Variants in CEP63 observed in about 807,000 individuals in gnomAD.
CEP63 encodes centrosomal protein of 63 kDa.
Under a neutral mutation model 89.1 loss-of-function variants are expected in CEP63, and 84 were observed. The ratio of observed to expected loss-of-function variants is 0.94; its 90% CI spans 0.79 to 1.13. The LOEUF is 1.13. Ranked by LOEUF, CEP63 falls within the 50% of genes most tolerant of loss-of-function variation. The pLI is 0.00. For missense variants in CEP63, 838 were observed against 813.3 expected, an observed-to-expected ratio of 1.03 and a Z score of -0.37; for synonymous variants, 267 against 272.5, an observed-to-expected ratio of 0.98 and a Z score of 0.20.
chr3:134,685,807 A>G, the CEP63 span, among the ~76,000 whole-genome samples: 3 of 152,190 alleles, frequency 2.0e-5, no homozygotes, highest in Non-Finnish European at 4.4e-5. Context: ...CGTGTACACA[A>G]AGGATGAGAA....
At chr3:134,748,252 T>G in the CEP63 span, among the ~76,000 whole-genome samples, 1 of 152,186 alleles carries the variant, frequency 6.6e-6, no homozygotes, top group Non-Finnish European at 1.5e-5. Flanking sequence ...GTCCCTCTCC[T>G]ACTCCCTGGG....
chr3:134,710,275 G>C, the CEP63 span, among the ~76,000 whole-genome samples: 1 of 152,168 alleles, frequency 6.6e-6, no homozygotes, highest in South Asian at 2.1e-4. Context: ...AGGCCAACCA[G>C]GAAAAAGGCT....
the CEP63 span, among the ~76,000 whole-genome samples, chr3:134,757,392 A>G: frequency 6.6e-6 from 1 of 152,222 alleles, no homozygotes; most frequent in Admixed American, 6.5e-5. Flanking sequence ...AATGAGTTAC[A>G]TAAATAATTT....
At chr3:134,782,203 T>C in the CEP63 span, among the ~76,000 whole-genome samples, 2 of 152,222 alleles carry the variant, frequency 1.3e-5, no homozygotes, top group Non-Finnish European at 2.9e-5. Context: ...TAGACAACTT[T>C]TTCAATCCTG....
At position 134,563,126 on chromosome 3, in the gene CEP63, C is replaced by T. The variant is rs1957490743; in HGVS notation, c.*1591C>T. 2 of 152,320 alleles carry T rather than the reference C, an allele frequency of 1.3e-5. No individual in the cohort carries two copies. The highest frequency in any genetic ancestry group is 4.1e-4 in the South Asian group (2 of 4,820). The allele number at this position is 152,320 out of a possible 1,614,324, so 9.4% of individuals were successfully genotyped here. On this transcript the variant is annotated 3_prime_UTR_variant, in exon 15 of 15. Transcript: ENST00000675561. ...GCTAAGATTCCATATCAGGACATAG[C>T]ATTATGTTTGCCAGTTCCTAGGAGT...
the CEP63 span, chr3:134,610,487 C>G: frequency 3.2e-6 from 3 of 943,642 alleles, no homozygotes; most frequent in East Asian, 7.4e-5. Context: ...CATCAGTCCT[C>G]CCTGTCTATC....
intron 12 of CEP63, 136 bp downstream of exon 12, chr3:134,552,148 TA>T: frequency 1.8e-6 from 1 of 556,400 alleles, no homozygotes. Flanking sequence ...AAAATGAAGG[TA>T]AAACAATACT....
At chr3:134,670,937 C>G in the CEP63 span, among the ~76,000 whole-genome samples, 1 of 152,164 alleles carries the variant, frequency 6.6e-6, no homozygotes, top group Non-Finnish European at 1.5e-5. Context: ...AGTATGACAT[C>G]ATTTAGCTAT....
the CEP63 span, among the ~76,000 whole-genome samples, chr3:134,718,197 A>G: frequency 1.3e-5 from 2 of 152,114 alleles, no homozygotes; most frequent in African/African-American, 4.8e-5. Flanking sequence ...CAGTTTTGGG[A>G]GTTTTGATGG....
At chr3:134,534,666 C>T (rs1005810966) in intron 5 of CEP63, among the ~76,000 whole-genome samples, 3 of 152,188 alleles carry the variant, frequency 2.0e-5, no homozygotes, top group African/African-American at 4.8e-5. Context: ...TGCCCACTCT[C>T]TACCTGTCAT....
downstream of CEP63, among the ~76,000 whole-genome samples, chr3:134,569,133 G>A (rs4367113): frequency 0.66 from 101,091 of 152,084 alleles, 33,935 homozygotes; most frequent in East Asian, 0.81. Flanking sequence ...CCCACAACAC[G>A]TGGGAATTCA....
chr3:134,619,318 A>C, the CEP63 span: 30 of 1,346,214 alleles, frequency 2.2e-5, no homozygotes, highest in Non-Finnish European at 3.2e-5. Context: ...AGGCGAGAAG[A>C]CTCCACCCCA....
chr3:134,713,177 A>G, the CEP63 span, among the ~76,000 whole-genome samples: 2 of 152,334 alleles, frequency 1.3e-5, no homozygotes, highest in Admixed American at 6.5e-5. Flanking sequence ...CTCCAGGGAC[A>G]GGACTTGGAG....
rs199930556 is a variant in CEP63 at position 134,557,376 on chromosome 3, GTTTTTTTTTTTTT to G, written c.1468-750_1468-738del. 2.6e-3 allele frequency among the ~76,000 whole-genome samples: 266 copies of G among 101,516 alleles called. 6 individuals carry two copies. The highest frequency in any genetic ancestry group is 7.6e-3 in the African/African-American group (155 of 20,330). The allele number at this position is 101,516 out of a possible 152,430, so 66.6% of individuals were successfully genotyped here. A position where few individuals can be genotyped will look rare whatever the true frequency, so the allele number is the denominator to read the frequency against. ...CTTGACCAGCTTACTTTCATAATTT[GTTTTTTTTTTTTT>G]TTTTTTTTTTTTTTTACAGAAAAGA... On this transcript the variant is annotated intron_variant, in intron 12 of 14. Transcript: ENST00000675561.
chr3:134,495,763 C>T (rs1030888813), intron 2 of CEP63, among the ~76,000 whole-genome samples: 8 of 152,198 alleles, frequency 5.3e-5, no homozygotes, highest in African/African-American at 1.4e-4. Context: ...TGGTAACCAT[C>T]GTTCTACTCT....
chr3:134,515,267 A>G (rs889421232), intron 3 of CEP63, among the ~76,000 whole-genome samples: 2 of 152,234 alleles, frequency 1.3e-5, no homozygotes, highest in African/African-American at 4.8e-5. Context: ...AAAAAAGAAG[A>G]GAAAAAGGAA....
the CEP63 span, among the ~76,000 whole-genome samples, chr3:134,729,916 C>T: frequency 1.3e-5 from 2 of 152,124 alleles, no homozygotes; most frequent in East Asian, 1.9e-4. Flanking sequence ...CAACAGTGCC[C>T]TCATTCCCTA....
downstream of CEP63, among the ~76,000 whole-genome samples, chr3:134,577,285 G>A (rs1012812919): frequency 6.6e-6 from 1 of 152,030 alleles, no homozygotes; most frequent in Non-Finnish European, 1.5e-5. Context: ...GTGACCCTGG[G>A]TTAGGCAAAG....
the CEP63 span, among the ~76,000 whole-genome samples, chr3:134,661,817 T>C: frequency 2.3e-5 from 3 of 131,870 alleles, no homozygotes; most frequent in Non-Finnish European, 1.7e-5. Flanking sequence ...GCCCCCCCCC[T>C]CAAATTCATA....
Sources: allele counts gnomAD v4.1 joint callset (sites outside exome capture counted in the v4.1 genomes callset), GRCh38; gene constraint gnomAD v4.1.1; transcripts MANE v1.5; gene names NCBI Gene and HGNC (gene_info 2026-07-23, HGNC 2026-07-21).